AUTS2: variants seen among roughly 807,000 people sequenced by gnomAD.
AUTS2 encodes activator of transcription and developmental regulator AUTS2, also known as autism susceptibility gene 2 protein.
Under a neutral mutation model 112.4 loss-of-function variants are expected in AUTS2, and 17 were observed. That is an observed-to-expected ratio of 0.15 (90% CI 0.10 to 0.23). The LOEUF (loss-of-function observed/expected upper bound fraction) is 0.23, where lower values mean the gene tolerates loss of function less well. AUTS2 is among the 10% of genes least tolerant of loss of function. The probability of loss-of-function intolerance (pLI) is 1.00; values close to 1 mark genes in which losing one functional copy is unlikely to be tolerated. For synonymous variants in AUTS2, 751 were observed against 702.7 expected (o/e 1.07, Z -1.09); for missense variants, 1,510 against 1,701.6 (o/e 0.89, Z 1.98).
At chr7:70,771,373 A>G in intron 10 of AUTS2, 176 bp from the exon 11 acceptor site, 1 of 473,808 alleles carries the variant, frequency 2.1e-6, no homozygotes, top group Non-Finnish European at 3.7e-6. Flanking sequence ...TAACTTTTTA[A>G]GTTACACATT....
intron 1 of AUTS2, among the ~76,000 whole-genome samples, chr7:69,823,228 A>G (rs1397936545): frequency 6.6e-6 from 1 of 152,152 alleles, no homozygotes; most frequent in Non-Finnish European, 1.5e-5. Context: ...GTGCTGCTGT[A>G]TCTGCCTTGC....
intron 5 of AUTS2, among the ~76,000 whole-genome samples, chr7:70,442,502 G>C (rs139595375): frequency 0.01 from 1,544 of 152,042 alleles, 10 homozygotes; most frequent in Non-Finnish European, 0.014. Flanking sequence ...ATTTATTTTT[G>C]TTTTTTGAAA....
intron 2 of AUTS2, among the ~76,000 whole-genome samples, chr7:69,999,084 C>G (rs979400099): frequency 6.6e-6 from 1 of 152,110 alleles, no homozygotes; most frequent in African/African-American, 2.4e-5. Context: ...TATAGTCTCA[C>G]AAATGAGGAT....
At chr7:70,038,762 T>C (rs1231766969) in intron 2 of AUTS2, among the ~76,000 whole-genome samples, 1 of 151,972 alleles carries the variant, frequency 6.6e-6, no homozygotes, top group Non-Finnish European at 1.5e-5. Context: ...GAGCCCTGGG[T>C]TTCTAATTAT....
At chr7:70,422,162 A>G (rs563924583) in intron 4 of AUTS2, among the ~76,000 whole-genome samples, 1 of 152,266 alleles carries the variant, frequency 6.6e-6, no homozygotes, top group East Asian at 1.9e-4. Flanking sequence ...ATCTTCTTGA[A>G]CCATTCTCAT....
intron 1 of AUTS2, among the ~76,000 whole-genome samples, chr7:69,897,008 T>C (rs1484618003): frequency 6.6e-6 from 1 of 152,254 alleles, no homozygotes; most frequent in African/African-American, 2.4e-5. Context: ...GTATTTGTCC[T>C]GTAAATTCTA....
At chr7:69,815,555 G>A (rs764867928) in intron 1 of AUTS2, among the ~76,000 whole-genome samples, 5 of 151,756 alleles carry the variant, frequency 3.3e-5, no homozygotes, top group African/African-American at 7.3e-5. Flanking sequence ...TCACTCTGTC[G>A]CCAGACTGGA....
intron 2 of AUTS2, among the ~76,000 whole-genome samples, chr7:69,963,060 A>G (rs568427811): frequency 6.6e-6 from 1 of 152,132 alleles, no homozygotes; most frequent in Admixed American, 6.6e-5. Flanking sequence ...ATTCCTCCAC[A>G]TAGATTGTCC....
intron 2 of AUTS2, among the ~76,000 whole-genome samples, chr7:69,928,030 G>C (rs1425575060): frequency 1.3e-5 from 2 of 152,216 alleles, no homozygotes; most frequent in African/African-American, 2.4e-5. Flanking sequence ...CTCACATCCA[G>C]GAAGAATGGG....
At chr7:69,648,837 G>C (rs1795159795) in intron 1 of AUTS2, among the ~76,000 whole-genome samples, 2 of 152,032 alleles carry the variant, frequency 1.3e-5, no homozygotes, top group Non-Finnish European at 2.9e-5. Flanking sequence ...TTTGCAAAAT[G>C]CCTTGAGTTC....
At chr7:69,816,141 T>G (rs1190807237) in intron 1 of AUTS2, among the ~76,000 whole-genome samples, 1 of 152,202 alleles carries the variant, frequency 6.6e-6, no homozygotes, top group Non-Finnish European at 1.5e-5. Flanking sequence ...CCTGAGTTTC[T>G]GATTAAAGCT....
rs376217000 is a variant in AUTS2, at chr7:70,139,393, C to T, written c.660+4822C>T. ...GCAACATTTATCTTGATGTAACTGC[C>T]AGAAAATATCTTGCTTTTATTATTT... On this transcript the variant is annotated intron_variant, in intron 4 of 18. Transcript: ENST00000342771. Among the ~76,000 whole-genome samples, 23 of 152,284 alleles carry T rather than the reference C, an allele frequency of 1.5e-4. No individual in the cohort carries two copies. The East Asian group carries it at 3.9e-3, about 26-fold the overall frequency.
chr7:70,349,903 TAATCTTTTCTGG>T (rs1214307949), intron 4 of AUTS2, among the ~76,000 whole-genome samples: 1 of 152,208 alleles, frequency 6.6e-6, no homozygotes, highest in Non-Finnish European at 1.5e-5. Context: ...CTCTATAAGT[TAATCTTTTCTGG>T]AAGGGAAACC....
intron 3 of AUTS2, chr7:70,118,434 G>T: frequency 1.6e-6 from 1 of 608,048 alleles, no homozygotes; most frequent in East Asian, 3.5e-5. Context: ...TGTCGTTTGA[G>T]CAAAAATGTA....
At chr7:69,881,298 G>A (rs1794032711) in intron 1 of AUTS2, among the ~76,000 whole-genome samples, 1 of 151,762 alleles carries the variant, frequency 6.6e-6, no homozygotes, top group Non-Finnish European at 1.5e-5. Context: ...GTCTTTCCCT[G>A]TTCCATTAAG....
chr7:70,134,088 T>C (rs1236027315), intron 3 of AUTS2, among the ~76,000 whole-genome samples: 1 of 152,160 alleles, frequency 6.6e-6, no homozygotes. Context: ...CCAAACCCAC[T>C]GGGCTTTTTA....
chr7:69,845,721 G>A (rs1235605868), intron 1 of AUTS2, among the ~76,000 whole-genome samples: 4 of 152,174 alleles, frequency 2.6e-5, no homozygotes, highest in African/African-American at 7.2e-5. Context: ...TGCATAGGGT[G>A]GCCCTCTGCT....
intron 5 of AUTS2, among the ~76,000 whole-genome samples, chr7:70,660,264 A>G (rs893059265): frequency 2.0e-4 from 31 of 152,294 alleles, no homozygotes; most frequent in African/African-American, 6.5e-4. Flanking sequence ...ACAGTGTTGC[A>G]GTTCCTACCA....
chr7:69,747,784 G>GGGGTGTGTGTGTGTGT (rs373385601), intron 1 of AUTS2, among the ~76,000 whole-genome samples: 2 of 144,502 alleles, frequency 1.4e-5, no homozygotes, highest in African/African-American at 2.6e-5. Flanking sequence ...GAAGGAGAGG[G>GGGGTGTGTGTGTGTGT]GTGTGTGTGT....
Sources: gnomAD v4.1 joint callset for allele counts (sites outside exome capture counted in the v4.1 genomes callset) on GRCh38, gnomAD v4.1.1 for gene constraint, MANE v1.5 for transcripts, NCBI Gene and HGNC (gene_info 2026-07-23, HGNC 2026-07-21) for gene names.